FRYL: variants seen among roughly 807,000 people sequenced by gnomAD.
FRYL encodes the protein FRY like transcription coactivator, also known as protein furry homolog-like.
In FRYL, 150 loss-of-function variants were observed where a neutral mutation model predicts 351.2. The observed-to-expected ratio is 0.43, with a 90% confidence interval of 0.37 to 0.49. FRYL has a LOEUF of 0.49. FRYL is among the 20% of genes least tolerant of loss of function. FRYL has a pLI of 0.00. For missense variants in FRYL, 3,036 were observed against 3,619.3 expected (o/e 0.84, Z 4.13); for synonymous variants, 1,153 against 1,257.1 (o/e 0.92, Z 1.75).
chr4:48,535,674 C>G lies in FRYL; in HGVS notation c.6547G>C (p.Val2183Leu). The part of the protein sequence containing the change: ...DSFSDTTFNL[V>L]TYLAELLEKG... The stretch of plus-strand genomic sequence containing the variant: ...AAATTTACCTCTGCAAGATAAGTCA[C>G]AAGATTAAATGTTGTATCTGAGAAG... The change falls in exon 48 of 64, where the codon GTG becomes CTG. Residue 2183 changes from valine to leucine, a missense_variant. Physicochemically the swap from Val to Leu is conservative, Grantham distance 32. Coordinates refer to ENST00000358350, the MANE Select transcript of FRYL (RefSeq NM_015030.2). The G allele has an allele frequency of 6.3e-7, 1 of 1,581,182 alleles. No individual in the cohort carries two copies. Among genetic ancestry groups the G allele is most frequent in the South Asian group, 1.2e-5 (1 of 84,608 alleles).
Position 48,534,570 on chromosome 4 carries a change from A to C in FRYL, c.6680T>G (p.Ile2227Arg). The change falls in exon 49 of 64, where the codon ATA becomes AGA. Residue 2227 changes from isoleucine to arginine, a missense_variant. Around this residue, in one of 7 missense-constraint regions of FRYL, gnomAD observed 1,987 missense variants for 2,311.7 expected, o/e 0.86. Transcript: ENST00000358350. ...APAKQFNLEI[I>R]KIIGKYVQSP... ...CTGTACATATTTGCCAATAATCTTT[A>C]TGATCTCCAGATTAAACTGCTTGGC... is the stretch of plus-strand genomic sequence containing the variant. 1 of 1,612,744 alleles carries C rather than the reference A, an allele frequency of 6.2e-7. No individual in the cohort carries two copies. The highest frequency in any genetic ancestry group is 8.5e-7 in the Non-Finnish European group (1 of 1,179,262).
chr4:48,627,674 C>A (rs1752096635), intron 4 of FRYL, among the ~76,000 whole-genome samples: 2 of 152,140 alleles, frequency 1.3e-5, no homozygotes, highest in Admixed American at 1.3e-4. Context: ...ATATACTACA[C>A]TAAATATAAA....
intron 55 of FRYL, among the ~76,000 whole-genome samples, chr4:48,519,215 CT>C (rs1381145234): frequency 3.9e-5 from 6 of 152,220 alleles, no homozygotes; most frequent in Admixed American, 3.3e-4. Flanking sequence ...AGGACTTCTC[CT>C]GTCTTGGATC....
Position 48,550,713 on chromosome 4 carries a change from A to AT in FRYL, c.4521-10dup. ...TGTCCAGGTGCACATAGCTATGGGA[A>AT]TGATCACTGAAGTTAGTCACAGTTC... On this transcript the variant is annotated splice_polypyrimidine_tract_variant and intron_variant, in intron 37 of 63. Transcript: ENST00000358350. 1.3e-6 allele frequency: 2 copies of AT among 1,558,538 alleles called. No individual in the cohort carries two copies. The highest frequency in any genetic ancestry group is 1.8e-6 in the Non-Finnish European group (2 of 1,129,426).
At chr4:48,594,775 T>C (rs181450381) in intron 15 of FRYL, among the ~76,000 whole-genome samples, 1 of 152,320 alleles carries the variant, frequency 6.6e-6, no homozygotes, top group Admixed American at 6.5e-5. Context: ...TCACAGCATT[T>C]TCCCATGTTG....
At chr4:48,646,221 T>G (rs1553961942) in intron 3 of FRYL, among the ~76,000 whole-genome samples, 1 of 152,236 alleles carries the variant, frequency 6.6e-6, no homozygotes, top group Non-Finnish European at 1.5e-5. Context: ...ATATCAATAA[T>G]GTAACTGAAA....
At chr4:48,656,362 A>C (rs1759075545) in intron 3 of FRYL, among the ~76,000 whole-genome samples, 1 of 135,874 alleles carries the variant, frequency 7.4e-6, no homozygotes, top group African/African-American at 2.7e-5. Context: ...TAAATATATT[A>C]TATAATATAT....
At chr4:48,539,180 G>C (rs1729575930) in intron 47 of FRYL, among the ~76,000 whole-genome samples, 2 of 152,112 alleles carry the variant, frequency 1.3e-5, no homozygotes, top group African/African-American at 4.8e-5. Context: ...AAAACAGTAT[G>C]ATTTTTGAAG....
intron 3 of FRYL, among the ~76,000 whole-genome samples, chr4:48,673,313 T>G (rs1763016304): frequency 6.6e-6 from 1 of 152,106 alleles, no homozygotes; most frequent in Non-Finnish European, 1.5e-5. Context: ...AAAATATATC[T>G]TCAAATGAAA....
Position 48,579,010 on chromosome 4 carries a change from T to C in FRYL, c.2491A>G (p.Thr831Ala). Residue 831 changes from threonine to alanine, a missense_variant, in exon 23 of 64, where the codon ACA (threonine) becomes GCA (alanine). Coordinates refer to ENST00000358350, the MANE Select transcript of FRYL (RefSeq NM_015030.2). ...AVSYAWMFAY[T>A]RLQLLSPQVD... ...TGAGGGGACAACAACTGAAGTCTTGTGTATGCAAACATCCAAGCATAGCTC... is the reference window on the plus strand; with the variant it reads ...TGAGGGGACAACAACTGAAGTCTTGCGTATGCAAACATCCAAGCATAGCTC... 1 of 1,613,300 alleles carries C rather than the reference T, an allele frequency of 6.2e-7. No homozygotes were observed. The highest frequency in any genetic ancestry group is 8.5e-7 in the Non-Finnish European group (1 of 1,179,694).
At chr4:48,526,151 A>G (rs1285115029) in intron 53 of FRYL, among the ~76,000 whole-genome samples, 8 of 152,202 alleles carry the variant, frequency 5.3e-5, no homozygotes. Flanking sequence ...TAGTATATGT[A>G]TATGTATATG....
In FRYL at chr4:48,534,646, G is replaced by T. The variant is rs371771105; in HGVS notation, c.6604C>A (p.Leu2202Ile). 5 of 1,587,194 alleles carry T rather than the reference G, an allele frequency of 3.2e-6. No homozygotes were observed. The highest frequency in any genetic ancestry group is 3.5e-6 in the Non-Finnish European group (4 of 1,156,078). The change falls in exon 49 of 64, where the codon CTA (leucine) becomes ATA (isoleucine). Residue 2202 changes from leucine (L) to isoleucine (I), a missense_variant. By Grantham distance (5) the Leu-to-Ile change is conservative (BLOSUM62 2). Around this residue, in one of 7 missense-constraint regions of FRYL, gnomAD observed 1,987 missense variants for 2,311.7 expected, o/e 0.86. Transcript: ENST00000358350. ...KGLSSMQQSL[L>I]QIIYSLLSHI... ...CTCAATAGACTATAAATAATCTGTA[G>T]TAATGATTGCTGCATACTGGACAAT...
At chr4:48,669,894 GC>G (rs1203297656) in intron 3 of FRYL, among the ~76,000 whole-genome samples, 2 of 151,532 alleles carry the variant, frequency 1.3e-5, no homozygotes, top group African/African-American at 2.4e-5. Context: ...TAAAAAGACA[GC>G]TTTTAAAATA....
intron 1 of FRYL, among the ~76,000 whole-genome samples, chr4:48,741,760 T>A (rs1772106350): frequency 6.6e-6 from 1 of 152,104 alleles, no homozygotes. Context: ...TGCATATTAC[T>A]AAGTGAAAGA....
chr4:48,719,852 T>A (rs1769262819), intron 1 of FRYL, among the ~76,000 whole-genome samples: 1 of 151,534 alleles, frequency 6.6e-6, no homozygotes, highest in Non-Finnish European at 1.5e-5. Flanking sequence ...CACTGACTTT[T>A]TAAAAAATTG....
chr4:48,616,361 A>G (rs1439339351), intron 7 of FRYL, among the ~76,000 whole-genome samples: 2 of 152,214 alleles, frequency 1.3e-5, no homozygotes, highest in Non-Finnish European at 2.9e-5. Flanking sequence ...CACTACAATT[A>G]AGAACATTTC....
chr4:48,778,557 C>CT (rs1467951017), intron 1 of FRYL, among the ~76,000 whole-genome samples: 1 of 152,210 alleles, frequency 6.6e-6, no homozygotes, highest in East Asian at 1.9e-4. Flanking sequence ...CAAGAAGAAA[C>CT]TGTCAAAAAT....
At chr4:48,766,365 T>C (rs1774949717) in intron 1 of FRYL, among the ~76,000 whole-genome samples, 1 of 152,132 alleles carries the variant, frequency 6.6e-6, no homozygotes, top group Admixed American at 6.5e-5. Context: ...ATGACAGCTG[T>C]CAATAAAAGA....
chr4:48,575,071 A>G, intron 25 of FRYL, 46 bp downstream of exon 25: 1 of 1,600,098 alleles, frequency 6.2e-7, no homozygotes, highest in African/African-American at 1.3e-5. Context: ...TCTAAGTAGC[A>G]CATTTATTCT....
Sources: allele counts gnomAD v4.1 joint callset (sites outside exome capture counted in the v4.1 genomes callset), GRCh38; gene constraint gnomAD v4.1.1; regional missense constraint gnomAD v4.1.1; transcripts MANE v1.5; gene names NCBI Gene and HGNC (gene_info 2026-07-23, HGNC 2026-07-21).